PRKCA: variants seen among roughly 807,000 people sequenced by gnomAD.
The protein encoded by PRKCA is protein kinase C alpha.
In PRKCA, 27 loss-of-function variants were observed where a neutral mutation model predicts 87.0. The observed-to-expected ratio is 0.31, with a 90% confidence interval of 0.23 to 0.43. PRKCA has a LOEUF of 0.43. Among genes scored for constraint, PRKCA ranks in the 20% least tolerant of loss-of-function variants. The probability of loss-of-function intolerance (pLI) is 1.00; values close to 1 mark genes in which losing one functional copy is unlikely to be tolerated. For synonymous variants in PRKCA, 329 were observed against 311.1 expected, an observed-to-expected ratio of 1.06 and a Z score of -0.61; for missense variants, 518 against 852.3, an observed-to-expected ratio of 0.61 and a Z score of 4.88.
intron 3 of PRKCA, among the ~76,000 whole-genome samples, chr17:66,566,385 G>C (rs1424367723): frequency 6.6e-6 from 1 of 151,746 alleles, no homozygotes; most frequent in African/African-American, 2.4e-5. Context: ...GGAGAAAGAA[G>C]CAGAGAATAT....
intron 2 of PRKCA, among the ~76,000 whole-genome samples, chr17:66,441,844 A>G (rs1490333463): frequency 6.6e-6 from 1 of 152,128 alleles, no homozygotes; most frequent in Non-Finnish European, 1.5e-5. Context: ...ACCATAATAG[A>G]TGCTAATGGT....
intron 14 of PRKCA, among the ~76,000 whole-genome samples, chr17:66,785,094 G>A (rs1389263696): frequency 1.3e-5 from 2 of 152,180 alleles, no homozygotes; most frequent in Non-Finnish European, 2.9e-5. Context: ...AATGTTGAGT[G>A]GTACCAGACA....
At chr17:66,696,877 G>A (rs1972936733) in intron 8 of PRKCA, among the ~76,000 whole-genome samples, 1 of 152,182 alleles carries the variant, frequency 6.6e-6, no homozygotes, top group Non-Finnish European at 1.5e-5. Context: ...GTTTGAACTT[G>A]AGTGCATACG....
At chr17:66,325,408 T>G (rs1218828236) in intron 2 of PRKCA, among the ~76,000 whole-genome samples, 2 of 152,216 alleles carry the variant, frequency 1.3e-5, no homozygotes, top group African/African-American at 2.4e-5. Flanking sequence ...TCATGGTCTT[T>G]TACAGAGCTC....
chr17:66,587,391 T>C (rs527848871), intron 3 of PRKCA, among the ~76,000 whole-genome samples: 1 of 152,330 alleles, frequency 6.6e-6, no homozygotes, highest in Non-Finnish European at 1.5e-5. Context: ...TGTATTACAC[T>C]CTACAGATTC....
At chr17:66,433,402 T>A (rs1298439064) in intron 2 of PRKCA, among the ~76,000 whole-genome samples, 1 of 152,192 alleles carries the variant, frequency 6.6e-6, no homozygotes, top group Non-Finnish European at 1.5e-5. Flanking sequence ...CTATTGCAGA[T>A]CCCTCCCACT....
intron 2 of PRKCA, among the ~76,000 whole-genome samples, chr17:66,397,595 C>T (rs1251240367): frequency 6.6e-6 from 1 of 152,056 alleles, no homozygotes; most frequent in African/African-American, 2.4e-5. Context: ...GCCTGGGTCA[C>T]AGGTGGTTTG....
At chr17:66,546,686 A>G (rs746069869) in intron 3 of PRKCA, among the ~76,000 whole-genome samples, 6 of 152,164 alleles carry the variant, frequency 3.9e-5, no homozygotes, top group Non-Finnish European at 5.9e-5. Context: ...ACTTCATTAC[A>G]TTTGCAAAGA....
chr17:66,785,195 G>A (rs1321402371), intron 14 of PRKCA, among the ~76,000 whole-genome samples: 1 of 152,138 alleles, frequency 6.6e-6, no homozygotes, highest in Non-Finnish European at 1.5e-5. Flanking sequence ...GACTGGGCAG[G>A]GGACTGAGGT....
chr17:66,548,995 T>C (rs957218569), intron 3 of PRKCA, among the ~76,000 whole-genome samples: 10 of 151,922 alleles, frequency 6.6e-5, no homozygotes, highest in African/African-American at 2.4e-4. Flanking sequence ...TTGGTAGAGA[T>C]GGGGTTTTGC....
At chr17:66,694,062 G>A (rs187689659) in intron 8 of PRKCA, among the ~76,000 whole-genome samples, 159 of 152,262 alleles carry the variant, frequency 1.0e-3, no homozygotes, top group African/African-American at 3.7e-3. Context: ...ATCCTGATAC[G>A]ATAGGATATT....
chr17:66,441,213 C>T (rs546454169), intron 2 of PRKCA, among the ~76,000 whole-genome samples: 3 of 148,560 alleles, frequency 2.0e-5, no homozygotes, highest in South Asian at 4.2e-4. Context: ...CATGATGGTA[C>T]GTGCCTGTGG....
At chr17:66,495,800 A>G (rs1370812817) in intron 2 of PRKCA, among the ~76,000 whole-genome samples, 2 of 151,916 alleles carry the variant, frequency 1.3e-5, no homozygotes, top group East Asian at 1.9e-4. Context: ...AACTCCTGAC[A>G]TCAAGTGATC....
At chr17:66,772,988 T>A (rs1974974882) in intron 13 of PRKCA, among the ~76,000 whole-genome samples, 1 of 152,194 alleles carries the variant, frequency 6.6e-6, no homozygotes, top group South Asian at 2.1e-4. Flanking sequence ...ACTTTAAAAA[T>A]GTTTTAATAG....
At chr17:66,650,735 T>C (rs573018539) in intron 5 of PRKCA, among the ~76,000 whole-genome samples, 3 of 152,286 alleles carry the variant, frequency 2.0e-5, no homozygotes, top group African/African-American at 7.2e-5. Flanking sequence ...CCTGCAGATA[T>C]GGAGACTCAC....
chr17:66,373,264 A>C (rs2143545751), intron 2 of PRKCA, among the ~76,000 whole-genome samples: 2 of 152,306 alleles, frequency 1.3e-5, no homozygotes, highest in Middle Eastern at 6.8e-3. Flanking sequence ...AGTACTTGCT[A>C]TGTGGTGGAC....
chr17:66,594,709 G>A (rs901994641), intron 3 of PRKCA, among the ~76,000 whole-genome samples: 2 of 151,998 alleles, frequency 1.3e-5, no homozygotes, highest in African/African-American at 4.8e-5. Flanking sequence ...AATAAATTAC[G>A]AATGGAGATG....
chr17:66,555,023 G>A (rs918216411), intron 3 of PRKCA, among the ~76,000 whole-genome samples: 14 of 151,910 alleles, frequency 9.2e-5, no homozygotes, highest in South Asian at 2.1e-4. Flanking sequence ...GACTACAGGC[G>A]CACGCTGCCA....
intron 2 of PRKCA, among the ~76,000 whole-genome samples, chr17:66,423,935 C>A (rs781265486): frequency 1.3e-5 from 2 of 151,966 alleles, no homozygotes; most frequent in Admixed American, 1.3e-4. Context: ...GAATCAAGTG[C>A]TTGTCTTCAA....
Sources: allele counts gnomAD v4.1 joint callset (sites outside exome capture counted in the v4.1 genomes callset), GRCh38; gene constraint gnomAD v4.1.1; transcripts MANE v1.5; gene names NCBI Gene and HGNC (gene_info 2026-07-23, HGNC 2026-07-21).